VCAN: variants seen among roughly 807,000 people sequenced by gnomAD.
VCAN encodes the protein versican core protein.
VCAN carries 44 observed loss-of-function variants against 245.5 expected under a neutral mutation model. The ratio of observed to expected loss-of-function variants is 0.18; its 90% CI spans 0.14 to 0.23. VCAN has a LOEUF of 0.23. Ranked by LOEUF, VCAN falls within the 10% of genes least tolerant of loss-of-function variation. The probability of loss-of-function intolerance (pLI) is 1.00; values close to 1 mark genes in which losing one functional copy is unlikely to be tolerated. For missense variants in VCAN, 3,793 were observed against 4,057.9 expected, an observed-to-expected ratio of 0.93 and a Z score of 1.77; for synonymous variants, 1,413 against 1,437.0, an observed-to-expected ratio of 0.98 and a Z score of 0.38.
chr5:83,528,152 C>A lies in VCAN; in HGVS notation c.4003+5843C>A, dbSNP rs76315533. On this transcript the variant is annotated intron_variant, in intron 7 of 14. Coordinates refer to ENST00000265077, the MANE Select transcript of VCAN (RefSeq NM_004385.5). Reference sequence around the variant, plus strand: ...AACACAATCAAATACAGTTGTCATACTAAACATATAGTTACACAGTAGGTG... The same window carrying A: ...AACACAATCAAATACAGTTGTCATAATAAACATATAGTTACACAGTAGGTG... Among the ~76,000 whole-genome samples, 1,159 of 152,208 alleles carry A rather than the reference C, an allele frequency of 7.6e-3. 24 individuals carry two copies. The highest frequency in any genetic ancestry group is 0.027 in the African/African-American group (1,104 of 41,512).
intron 1 of VCAN, among the ~76,000 whole-genome samples, chr5:83,481,338 A>G (rs1306626279): frequency 6.6e-6 from 1 of 151,876 alleles, no homozygotes; most frequent in African/African-American, 2.4e-5. Context: ...TCATGCCATA[A>G]AGAAAGGTTT....
chr5:83,500,211 C>T (rs376122509), intron 5 of VCAN, among the ~76,000 whole-genome samples: 9 of 152,224 alleles, frequency 5.9e-5, no homozygotes, highest in Middle Eastern at 3.4e-3. Context: ...ACTATGATTC[C>T]GCCGATGGTT....
intron 1 of VCAN, among the ~76,000 whole-genome samples, chr5:83,479,838 A>G (rs2112336808): frequency 6.6e-6 from 1 of 152,344 alleles, no homozygotes; most frequent in South Asian, 2.1e-4. Flanking sequence ...GCTAAAGTCA[A>G]TAAAGCCCTC....
chr5:83,525,747 A>G (rs571535114), intron 7 of VCAN, among the ~76,000 whole-genome samples: 18 of 152,262 alleles, frequency 1.2e-4, no homozygotes, highest in African/African-American at 4.3e-4. Context: ...TAAATGATAG[A>G]AAGATTAAGA....
intron 12 of VCAN, among the ~76,000 whole-genome samples, chr5:83,564,515 A>T (rs1173312313): frequency 3.9e-5 from 6 of 152,218 alleles, no homozygotes; most frequent in Admixed American, 3.9e-4. Context: ...TGAAGCTAAC[A>T]CATGTAGTCA....
At chr5:83,561,413 T>C (rs1363406706) in intron 12 of VCAN, among the ~76,000 whole-genome samples, 1 of 152,182 alleles carries the variant, frequency 6.6e-6, no homozygotes, top group African/African-American at 2.4e-5. Context: ...CAATTAATTG[T>C]ACAATTAACC....
chr5:83,501,627 A>G (rs190124375), intron 5 of VCAN, among the ~76,000 whole-genome samples: 14 of 152,176 alleles, frequency 9.2e-5, no homozygotes, highest in African/African-American at 2.7e-4. Context: ...CTAGACTCTC[A>G]ATTATATTCC....
At chr5:83,484,421 T>A in intron 2 of VCAN, among the ~76,000 whole-genome samples, 1 of 152,068 alleles carries the variant, frequency 6.6e-6, no homozygotes, top group Non-Finnish European at 1.5e-5. Flanking sequence ...CGTGTATTCA[T>A]CCATCCATCC....
chr5:83,535,993 G>C (rs746241538), intron 7 of VCAN: 2 of 152,154 alleles, frequency 1.3e-5, no homozygotes, highest in South Asian at 2.1e-4. Context: ...ATGCCTCTAT[G>C]ATGAGACCTC....
chr5:83,544,744 G>A (rs1314983852), intron 8 of VCAN, among the ~76,000 whole-genome samples: 1 of 152,138 alleles, frequency 6.6e-6, no homozygotes, highest in Admixed American at 6.5e-5. Flanking sequence ...TTCAAGTGGT[G>A]TAAAAGTGTT....
intron 12 of VCAN, among the ~76,000 whole-genome samples, chr5:83,558,073 G>C (rs1307745092): frequency 6.6e-6 from 1 of 152,020 alleles, no homozygotes; most frequent in African/African-American, 2.4e-5. Flanking sequence ...GGTCTCCCTC[G>C]CATTCAACTG....
chr5:83,524,214 G>A (rs1395499855), intron 7 of VCAN, among the ~76,000 whole-genome samples: 1 of 152,120 alleles, frequency 6.6e-6, no homozygotes, highest in Non-Finnish European at 1.5e-5. Flanking sequence ...TGGAAGTGGA[G>A]GGTCTGAGTA....
rs891528004 is a variant in VCAN, at chr5:83,520,241, T to A, written c.1935T>A (p.Phe645Leu). The A allele has an allele frequency of 6.2e-7, 1 of 1,613,898 alleles. No individual in the cohort carries two copies. The highest frequency in any genetic ancestry group is 1.3e-5 in the African/African-American group (1 of 74,914). Reference sequence around the variant, plus strand: ...GCAAATATCTGTCTACTACACCTTTTCCATCACAGCATCGTACAGAAATAG... The same window carrying A: ...GCAAATATCTGTCTACTACACCTTTACCATCACAGCATCGTACAGAAATAG... Reference protein sequence around the residue: ...FLGKYLSTTPFPSQHRTEIEL... With the variant: ...FLGKYLSTTPLPSQHRTEIEL... The change falls in exon 7 of 15, where the codon TTT becomes TTA. Residue 645 changes from phenylalanine (F) to leucine (L), a missense_variant. Phe to Leu is a conservative substitution (Grantham distance 22). Around this residue, in one of 5 missense-constraint regions of VCAN, gnomAD observed 3,182 missense variants for 3,250.3 expected, o/e 0.98. Coordinates refer to ENST00000265077, the MANE Select transcript of VCAN (RefSeq NM_004385.5).
At position 83,521,200 on chromosome 5, in the gene VCAN, C is replaced by G; in HGVS notation, c.2894C>G (p.Thr965Ser). The change falls in exon 7 of 15, where the codon ACT (threonine) becomes AGT (serine). Residue 965 changes from threonine (T) to serine (S), a missense_variant. Around this residue, in one of 5 missense-constraint regions of VCAN, gnomAD observed 3,182 missense variants for 3,250.3 expected, o/e 0.98. Transcript: ENST00000265077. Reference protein sequence around the residue: ...VSYSSTQEPTTYVDSSHTIPL... With the variant: ...VSYSSTQEPTSYVDSSHTIPL... Reference sequence around the variant, plus strand: ...TATAGTAGCACCCAAGAGCCTACTACTTATGTAGACTCTTCCCATACCATT... The same window carrying G: ...TATAGTAGCACCCAAGAGCCTACTAGTTATGTAGACTCTTCCCATACCATT... 1.2e-6 allele frequency: 2 copies of G among 1,613,634 alleles called. No individual in the cohort carries two copies. Among genetic ancestry groups the G allele is most frequent in the Non-Finnish European group, 1.7e-6 (2 of 1,179,608 alleles).
intron 7 of VCAN, among the ~76,000 whole-genome samples, chr5:83,535,048 G>A (rs890879221): frequency 6.6e-6 from 1 of 151,980 alleles, no homozygotes; most frequent in Non-Finnish European, 1.5e-5. Flanking sequence ...AAATGACAAG[G>A]CATTTAATCA....
rs537025184 is a variant in VCAN at position 83,483,324 on chromosome 5, A to G, written c.-6-189A>G. On this transcript the variant is annotated intron_variant, in intron 1 of 14. Coordinates refer to ENST00000265077, the MANE Select transcript of VCAN (RefSeq NM_004385.5). ...TGAGATTCAAACTAATAATTAAAGC[A>G]TTGAGATAGCTTCTGCTATTACAAG... is the stretch of plus-strand genomic sequence containing the variant. Among the ~76,000 whole-genome samples the G allele has an allele frequency of 2.6e-5, 4 of 152,336 alleles. No individual in the cohort carries two copies. The South Asian group carries it at 6.2e-4, about 24-fold the overall frequency.
At chr5:83,507,843 A>C (rs949200784) in intron 5 of VCAN, among the ~76,000 whole-genome samples, 1 of 152,246 alleles carries the variant, frequency 6.6e-6, no homozygotes, top group Admixed American at 6.5e-5. Context: ...AAAATGGATC[A>C]ATAGAAACTT....
rs141477510 is a variant in VCAN at position 83,538,753 on chromosome 5, A to T, written c.5750A>T (p.Tyr1917Phe). Residue 1917 changes from tyrosine (Y) to phenylalanine (F), a missense_variant, in exon 8 of 15, where the codon TAT becomes TTT. This residue lies in a region of VCAN where 3,182 missense variants were observed against 3,250.3 expected (regional missense o/e 0.98). Coordinates refer to ENST00000265077, the MANE Select transcript of VCAN (RefSeq NM_004385.5). Reference protein sequence around the residue: ...VISERLGEPNYGAEIRGFSTG... With the variant: ...VISERLGEPNFGAEIRGFSTG... ...TCAGAGCGATTAGGAGAACCAAATT[A>T]TGGGGCAGAAATAAGGGGCTTTTCC... is the stretch of plus-strand genomic sequence containing the variant. 3.9e-4 allele frequency: 633 copies of T among 1,614,050 alleles called. 3 individuals are homozygous for T. The African/African-American group carries it at 6.4e-3, about 16-fold the overall frequency.
At position 83,572,413 on chromosome 5, in the gene VCAN, C is replaced by T. The variant is rs1268784160; in HGVS notation, c.9736-3C>T. The stretch of plus-strand genomic sequence containing the variant: ...TAGTTACCTTCTCCCTCCATTTTTA[C>T]AGCAATACGAGAATTGGAGACCCAA... On this transcript the variant is annotated splice_region_variant and splice_polypyrimidine_tract_variant and intron_variant, in intron 12 of 14. Coordinates refer to ENST00000265077, the MANE Select transcript of VCAN (RefSeq NM_004385.5). 7 of 1,613,428 alleles carry T rather than the reference C, an allele frequency of 4.3e-6. No individual in the cohort carries two copies. The highest frequency in any genetic ancestry group is 5.9e-6 in the Non-Finnish European group (7 of 1,179,694).
Sources: gnomAD v4.1 joint callset for allele counts (sites outside exome capture counted in the v4.1 genomes callset) on GRCh38, gnomAD v4.1.1 for gene constraint, gnomAD v4.1.1 regional missense constraint, MANE v1.5 for transcripts, NCBI Gene and HGNC (gene_info 2026-07-23, HGNC 2026-07-21) for gene names.